Variants in YES1 observed in about 807,000 individuals in gnomAD.
YES1 encodes the protein YES proto-oncogene 1, Src family tyrosine kinase.
A neutral mutation model predicts 70.4 loss-of-function variants in YES1; 39 were observed. The observed-to-expected ratio is 0.55, with a 90% confidence interval of 0.43 to 0.72. The LOEUF (loss-of-function observed/expected upper bound fraction) is 0.72. Ranked by LOEUF, YES1 falls within the 30% of genes least tolerant of loss-of-function variation. The pLI is 0.00. For missense variants in YES1, 495 were observed against 644.8 expected (o/e 0.77, Z 2.52); for synonymous variants, 198 against 218.6 (o/e 0.91, Z 0.83).
At chr18:754,204 C>T (rs149030579) in intron 2 of YES1, among the ~76,000 whole-genome samples, 1 of 152,274 alleles carries the variant, frequency 6.6e-6, no homozygotes, top group African/African-American at 2.4e-5. Context: ...AAACTCGCTA[C>T]CAGAGTCTGT....
At chr18:762,193 G>A (rs1261367595) in intron 1 of YES1, among the ~76,000 whole-genome samples, 2 of 152,242 alleles carry the variant, frequency 1.3e-5, no homozygotes, top group Non-Finnish European at 2.9e-5. Flanking sequence ...GGTGGCCCAT[G>A]CCTGTAATCT....
intron 8 of YES1, among the ~76,000 whole-genome samples, chr18:740,082 T>C (rs577294607): frequency 2.3e-4 from 35 of 152,312 alleles, no homozygotes; most frequent in Admixed American, 1.3e-4. Context: ...TTGATCAATA[T>C]CCCAATTCTG....
chr18:796,184 C>T, intron 1 of YES1, among the ~76,000 whole-genome samples: 1 of 152,076 alleles, frequency 6.6e-6, no homozygotes, highest in East Asian at 1.9e-4. Flanking sequence ...GAAATTTGTC[C>T]TTCTAGGAAT....
At chr18:804,847 G>T (rs1178022907) in intron 1 of YES1, among the ~76,000 whole-genome samples, 3 of 142,244 alleles carry the variant, frequency 2.1e-5, no homozygotes, top group African/African-American at 7.9e-5. Context: ...CCAGGAGGCT[G>T]AGGTTGTAGT....
chr18:808,194 G>A (rs558170855), intron 1 of YES1, among the ~76,000 whole-genome samples: 1 of 152,314 alleles, frequency 6.6e-6, no homozygotes, highest in South Asian at 2.1e-4. Context: ...CAGTAGTGCT[G>A]CTGCAGCCAA....
intron 11 of YES1, among the ~76,000 whole-genome samples, chr18:731,441 G>A (rs1293466949): frequency 6.6e-6 from 1 of 152,120 alleles, no homozygotes; most frequent in Non-Finnish European, 1.5e-5. Flanking sequence ...AAATTTGATG[G>A]CATTAGATCT....
chr18:733,941 G>C (rs775521015), intron 10 of YES1, among the ~76,000 whole-genome samples: 1 of 152,154 alleles, frequency 6.6e-6, no homozygotes, highest in Non-Finnish European at 1.5e-5. Context: ...TAGACAAACA[G>C]ATGATCAATT....
chr18:767,816 T>C (rs867097920), intron 1 of YES1, among the ~76,000 whole-genome samples: 12 of 152,192 alleles, frequency 7.9e-5, no homozygotes, highest in South Asian at 4.1e-4. Flanking sequence ...TTCTCCTGCC[T>C]CAGCTTCCCA....
In YES1 at chr18:759,193, G is replaced by A. The variant is rs998095319; in HGVS notation, c.-8-2358C>T. On this transcript the variant is annotated intron_variant, in intron 1 of 11. Transcript: ENST00000314574. Reference sequence around the variant, plus strand: ...CATCAAAATATAACCGGGGCTAGGCGCGGTGGCTCACGCCTGTAATCCCAA... The same window carrying A: ...CATCAAAATATAACCGGGGCTAGGCACGGTGGCTCACGCCTGTAATCCCAA... Among the ~76,000 whole-genome samples the A allele has an allele frequency of 1.4e-4, 21 of 152,324 alleles. 1 individual carries two copies. Among genetic ancestry groups the A allele is most frequent in the South Asian group, 1.0e-3 (5 of 4,828 alleles).
At chr18:763,042 G>A (rs1598915773) in intron 1 of YES1, among the ~76,000 whole-genome samples, 1 of 152,320 alleles carries the variant, frequency 6.6e-6, no homozygotes. Context: ...AGACTTGGGG[G>A]AAAGAAAAGG....
At chr18:737,806 A>G (rs1021587592) in intron 9 of YES1, among the ~76,000 whole-genome samples, 1 of 152,128 alleles carries the variant, frequency 6.6e-6, no homozygotes, top group African/African-American at 2.4e-5. Context: ...TGCAATCTCT[A>G]TCTTCTGGGC....
intron 1 of YES1, among the ~76,000 whole-genome samples, chr18:764,017 G>A (rs976018050): frequency 1.3e-5 from 2 of 151,682 alleles, no homozygotes; most frequent in African/African-American, 2.4e-5. Flanking sequence ...CTACTCGGGA[G>A]GCTGAGGCAG....
intron 1 of YES1, among the ~76,000 whole-genome samples, chr18:784,474 T>C (rs561699077): frequency 6.6e-6 from 1 of 152,372 alleles, no homozygotes; most frequent in South Asian, 2.1e-4. Flanking sequence ...TTATTGCTGC[T>C]ACAACAAATT....
At chr18:751,389 A>G (rs1471847216) in intron 3 of YES1, among the ~76,000 whole-genome samples, 1 of 152,140 alleles carries the variant, frequency 6.6e-6, no homozygotes, top group Non-Finnish European at 1.5e-5. Context: ...ACTTAGAAAA[A>G]TAGGAGCATC....
At chr18:743,880 T>G (rs1204530427) in intron 6 of YES1, among the ~76,000 whole-genome samples, 2 of 150,570 alleles carry the variant, frequency 1.3e-5, no homozygotes, top group Admixed American at 1.3e-4. Flanking sequence ...CACTCTAGCC[T>G]GGGTGACACA....
intron 8 of YES1, among the ~76,000 whole-genome samples, chr18:742,588 T>A (rs1368979798): frequency 6.6e-6 from 1 of 152,232 alleles, no homozygotes; most frequent in Non-Finnish European, 1.5e-5. Context: ...GCTTTAGTAC[T>A]AAAAATGTAA....
At chr18:761,242 T>TAA (rs79610931) in intron 1 of YES1, among the ~76,000 whole-genome samples, 4 of 132,332 alleles carry the variant, frequency 3.0e-5, no homozygotes, top group African/African-American at 2.8e-5. Context: ...CTTTGCCGTT[T>TAA]AAAAAAAAAA....
At chr18:800,254 G>A (rs1166077718) in intron 1 of YES1, among the ~76,000 whole-genome samples, 1 of 152,198 alleles carries the variant, frequency 6.6e-6, no homozygotes, top group Non-Finnish European at 1.5e-5. Flanking sequence ...CCAGCTGACT[G>A]CTGCATGTTC....
intron 1 of YES1, among the ~76,000 whole-genome samples, chr18:761,821 C>T (rs947290667): frequency 3.0e-4 from 46 of 152,168 alleles, no homozygotes; most frequent in Middle Eastern, 3.2e-3. Context: ...TAATGTCATA[C>T]GTGATTCACA....
Sources: gnomAD v4.1 joint callset for allele counts (sites outside exome capture counted in the v4.1 genomes callset) on GRCh38, gnomAD v4.1.1 for gene constraint, MANE v1.5 for transcripts, NCBI Gene and HGNC (gene_info 2026-07-23, HGNC 2026-07-21) for gene names.